ZMYND8: variants seen among roughly 807,000 people sequenced by gnomAD.
ZMYND8 encodes the protein zinc finger MYND-type containing 8, also known as MYND-type zinc finger-containing chromatin reader ZMYND8.
A neutral mutation model predicts 140.8 loss-of-function variants in ZMYND8; 37 were observed. That is an observed-to-expected ratio of 0.26 (90% CI 0.20 to 0.35). The LOEUF (loss-of-function observed/expected upper bound fraction) is 0.35, where lower values mean the gene tolerates loss of function less well. ZMYND8 is among the 10% of genes least tolerant of loss of function. The pLI, the probability that ZMYND8 is intolerant of heterozygous loss-of-function variation, is 1.00. For missense variants in ZMYND8, 1,068 were observed against 1,570.0 expected (o/e 0.68, Z 5.40); for synonymous variants, 592 against 597.1 (o/e 0.99, Z 0.12).
At chr20:47,292,146 T>C (rs1453684452) in intron 5 of ZMYND8, among the ~76,000 whole-genome samples, 1 of 152,234 alleles carries the variant, frequency 6.6e-6, no homozygotes, top group Non-Finnish European at 1.5e-5. Context: ...GATCCTGTCC[T>C]CTTACATTAA....
chr20:47,304,326 T>A (rs2078312404), intron 3 of ZMYND8, among the ~76,000 whole-genome samples: 1 of 152,240 alleles, frequency 6.6e-6, no homozygotes, highest in Admixed American at 6.5e-5. Context: ...TATAAAGGCT[T>A]CTATAAGGAT....
chr20:47,228,130 A>C (rs1368911466), intron 17 of ZMYND8, among the ~76,000 whole-genome samples: 1 of 152,046 alleles, frequency 6.6e-6, no homozygotes, highest in Non-Finnish European at 1.5e-5. Context: ...AAATAATAAT[A>C]AACAGTGTTT....
At position 47,292,531 on chromosome 20, in the gene ZMYND8, T is replaced by C. The variant is rs190205232; in HGVS notation, c.568-643A>G. ...TTGTTAAAGGTTCTCAATTGAAGGATATCCAATCAGCATGCTCTAAATTTT... is the reference window on the plus strand; with the variant it reads ...TTGTTAAAGGTTCTCAATTGAAGGACATCCAATCAGCATGCTCTAAATTTT... On this transcript the variant is annotated intron_variant, in intron 5 of 22. Coordinates refer to ENST00000471951, the MANE Select transcript of ZMYND8 (RefSeq NM_001281775.3). Among the ~76,000 whole-genome samples the C allele has an allele frequency of 1.2e-4, 18 of 152,308 alleles. No homozygotes were observed. The East Asian group carries it at 3.5e-3, about 29-fold the overall frequency.
intron 10 of ZMYND8, among the ~76,000 whole-genome samples, chr20:47,281,604 C>T (rs1187988030): frequency 6.6e-6 from 1 of 152,154 alleles, no homozygotes; most frequent in Non-Finnish European, 1.5e-5. Context: ...AGGGAGGGCT[C>T]ACACCTGTCA....
chr20:47,263,693 G>GT (rs1434218077), intron 11 of ZMYND8, among the ~76,000 whole-genome samples: 1 of 152,226 alleles, frequency 6.6e-6, no homozygotes, highest in East Asian at 1.9e-4. Context: ...CCCTGGGCCA[G>GT]TTACTGGCAC....
intron 2 of ZMYND8, among the ~76,000 whole-genome samples, chr20:47,324,686 C>T (rs1200496708): frequency 6.6e-6 from 1 of 152,024 alleles, no homozygotes; most frequent in African/African-American, 2.4e-5. Flanking sequence ...CCCCAATGGC[C>T]TCCTTTCAGC....
intron 13 of ZMYND8, among the ~76,000 whole-genome samples, chr20:47,247,402 T>C (rs751899158): frequency 9.9e-5 from 15 of 152,186 alleles, no homozygotes; most frequent in African/African-American, 2.9e-4. Flanking sequence ...TCGGTGTGCA[T>C]TGCTCTTCCA....
At chr20:47,264,523 C>T (rs1361330117) in intron 11 of ZMYND8, among the ~76,000 whole-genome samples, 2 of 152,166 alleles carry the variant, frequency 1.3e-5, no homozygotes, top group African/African-American at 4.8e-5. Context: ...GGGATCCACC[C>T]GCCTCAGCCT....
At chr20:47,324,504 A>G (rs1238760044) in intron 2 of ZMYND8, among the ~76,000 whole-genome samples, 3 of 152,074 alleles carry the variant, frequency 2.0e-5, no homozygotes, top group African/African-American at 4.8e-5. Flanking sequence ...GGGCAACAAG[A>G]AGCTCTGTCT....
chr20:47,351,729 C>G, intron 1 of ZMYND8: 1 of 985,368 alleles, frequency 1.0e-6, no homozygotes, highest in Non-Finnish European at 1.2e-6. Flanking sequence ...GCAGAGTCAT[C>G]GGTAGCTAAG....
At chr20:47,333,746 A>ACAAAC (rs1319632492) in intron 2 of ZMYND8, among the ~76,000 whole-genome samples, 5 of 139,486 alleles carry the variant, frequency 3.6e-5, no homozygotes, top group African/African-American at 1.4e-4. Context: ...AAAAAAAAAA[A>ACAAAC]AAAAAAAAAA....
In ZMYND8 at chr20:47,238,889, AACTT is replaced by A; in HGVS notation, c.2530_2533del (p.Lys844PhefsTer43). The A allele has an allele frequency of 6.2e-7, 1 of 1,613,862 alleles. No homozygotes were observed. Among genetic ancestry groups the A allele is most frequent in the Non-Finnish European group, 8.5e-7 (1 of 1,180,032 alleles). ...GTGCCACTTTTGGGAGGACGTTTGAAACTTACTTGATGAGTTCCACACGACCCGC... is the reference window on the plus strand; with the variant it reads ...GTGCCACTTTTGGGAGGACGTTTGAAACTTGATGAGTTCCACACGACCCGC... On this transcript the variant is annotated frameshift_variant, in exon 15 of 23. Coordinates refer to ENST00000471951, the MANE Select transcript of ZMYND8 (RefSeq NM_001281775.3). LOFTEE classifies it high-confidence loss of function.
intron 2 of ZMYND8, among the ~76,000 whole-genome samples, chr20:47,322,438 CTT>C (rs1166725847): frequency 1.3e-4 from 16 of 120,750 alleles, no homozygotes; most frequent in African/African-American, 1.2e-4. Context: ...GATGGCATTT[CTT>C]TTTTTTTTTT....
chr20:47,338,173 C>T (rs1280087328), intron 2 of ZMYND8, among the ~76,000 whole-genome samples: 1 of 152,050 alleles, frequency 6.6e-6, no homozygotes, highest in Non-Finnish European at 1.5e-5. Context: ...GTCCAGGTGT[C>T]CAGGATATTA....
rs117275349 is a variant in ZMYND8 at position 47,313,087 on chromosome 20, C to A, written c.86-2883G>T. Among the ~76,000 whole-genome samples, 1,227 of 152,080 alleles carry A rather than the reference C, an allele frequency of 8.1e-3. 8 individuals are homozygous for A. The highest frequency in any genetic ancestry group is 0.012 in the Non-Finnish European group (845 of 67,982). ...TAAGAATACATTACAGTCACATGGC[C>A]GGACACAGTGTTCACACCTGTAATC... On this transcript the variant is annotated intron_variant, in intron 2 of 22. Transcript: ENST00000471951.
chr20:47,240,978 A>G (rs2039896224), intron 14 of ZMYND8, among the ~76,000 whole-genome samples: 3 of 152,056 alleles, frequency 2.0e-5, no homozygotes, highest in South Asian at 2.1e-4. Context: ...CCCGCTTTAA[A>G]TGAGCTTAAT....
intron 11 of ZMYND8, among the ~76,000 whole-genome samples, chr20:47,263,066 T>C (rs2075270965): frequency 6.6e-6 from 1 of 152,162 alleles, no homozygotes; most frequent in Non-Finnish European, 1.5e-5. Flanking sequence ...AAAAATACCT[T>C]AAAATGACCT....
At chr20:47,340,256 T>G (rs573969093) in intron 2 of ZMYND8, among the ~76,000 whole-genome samples, 1 of 152,182 alleles carries the variant, frequency 6.6e-6, no homozygotes, top group East Asian at 1.9e-4. Flanking sequence ...GCCAGGTGTT[T>G]TAAATCTCAA....
intron 21 of ZMYND8, among the ~76,000 whole-genome samples, chr20:47,213,966 T>C (rs755932014): frequency 1.4e-4 from 21 of 152,180 alleles, no homozygotes; most frequent in Non-Finnish European, 2.5e-4. Context: ...TCTATGCATA[T>C]AGCTCTAACT....
Sources: allele counts gnomAD v4.1 joint callset (sites outside exome capture counted in the v4.1 genomes callset), GRCh38; gene constraint gnomAD v4.1.1; transcripts MANE v1.5; gene names NCBI Gene and HGNC (gene_info 2026-07-23, HGNC 2026-07-21).